Variants in PRKCH observed in about 807,000 individuals in gnomAD.
The protein encoded by PRKCH is protein kinase C eta type.
A neutral mutation model predicts 82.5 loss-of-function variants in PRKCH; 28 were observed. The observed-to-expected ratio is 0.34, with a 90% confidence interval of 0.25 to 0.47. PRKCH has a LOEUF of 0.47. Ranked by LOEUF, PRKCH falls within the 20% of genes least tolerant of loss-of-function variation. The probability of loss-of-function intolerance (pLI) is 1.00; values close to 1 mark genes in which losing one functional copy is unlikely to be tolerated. For synonymous variants in PRKCH, 322 were observed against 327.4 expected (o/e 0.98, Z 0.18); for missense variants, 705 against 881.8 (o/e 0.80, Z 2.54).
chr14:61,254,007 C>A (rs1217894964), intron 1 of PRKCH, among the ~76,000 whole-genome samples: 6 of 139,700 alleles, frequency 4.3e-5, no homozygotes, highest in African/African-American at 1.7e-4. Context: ...CCCTCCCTCC[C>A]TCCCTTCCTT....
chr14:61,210,414 C>T (rs1407423907), intron 1 of PRKCH, among the ~76,000 whole-genome samples: 1 of 152,018 alleles, frequency 6.6e-6, no homozygotes, highest in African/African-American at 2.4e-5. Context: ...CTCTTGGGCA[C>T]CAACTACCCA....
intron 3 of PRKCH, 97 bp from the exon 4 acceptor site, chr14:61,445,595 C>A: frequency 9.2e-7 from 1 of 1,083,950 alleles, no homozygotes; most frequent in Non-Finnish European, 1.4e-6. Flanking sequence ...TTGTGTTTTT[C>A]ATAAAGGAGG....
intron 1 of PRKCH, among the ~76,000 whole-genome samples, chr14:61,203,790 A>T (rs926136506): frequency 2.0e-5 from 3 of 152,054 alleles, no homozygotes; most frequent in Admixed American, 6.6e-5. Context: ...GCAGTAAACC[A>T]TGTTCACACC....
chr14:61,242,117 A>G (rs1184432592), intron 1 of PRKCH, among the ~76,000 whole-genome samples: 2 of 152,236 alleles, frequency 1.3e-5, no homozygotes, highest in African/African-American at 4.8e-5. Flanking sequence ...ATTTCTAAAT[A>G]TTTAAGAAAT....
At position 61,549,824 on chromosome 14, in the gene PRKCH, A is replaced by G. The variant is rs779301835; in HGVS notation, c.2045A>G (p.Gln682Arg). Residue 682 changes from glutamine to arginine, a missense_variant, in exon 14 of 14, where the codon CAA becomes CGA. Gln to Arg is a conservative substitution (Grantham distance 43). Coordinates refer to ENST00000332981, the MANE Select transcript of PRKCH (RefSeq NM_006255.5). The part of the protein sequence containing the change: ...RNFSYVSPEL[Q>R]P ...TTTTCCTATGTGTCTCCAGAATTGC[A>G]ACCATAGCCTTATGGGGAGTGAGAG... 1 of 1,613,930 alleles carries G rather than the reference A, an allele frequency of 6.2e-7. No homozygotes were observed. The highest frequency in any genetic ancestry group is 8.5e-7 in the Non-Finnish European group (1 of 1,179,968).
chr14:61,215,013 A>G (rs137915144), intron 1 of PRKCH, among the ~76,000 whole-genome samples: 58 of 152,288 alleles, frequency 3.8e-4, no homozygotes, highest in African/African-American at 1.2e-3. Context: ...CTCTGTGCCA[A>G]TTAAAGATCG....
chr14:61,217,107 A>AGACT (rs1233747951), intron 1 of PRKCH, among the ~76,000 whole-genome samples: 1 of 152,224 alleles, frequency 6.6e-6, no homozygotes, highest in Non-Finnish European at 1.5e-5. Context: ...AGCGAGAGAC[A>AGACT]GACTGGGCGT....
At chr14:61,512,985 T>A (rs971614414) in intron 10 of PRKCH, among the ~76,000 whole-genome samples, 1 of 152,092 alleles carries the variant, frequency 6.6e-6, no homozygotes, top group Non-Finnish European at 1.5e-5. Flanking sequence ...CCCAGCTAGT[T>A]TTAAAAAAAA....
intron 10 of PRKCH, among the ~76,000 whole-genome samples, chr14:61,508,650 T>C (rs1445962948): frequency 6.6e-6 from 1 of 152,162 alleles, no homozygotes; most frequent in Non-Finnish European, 1.5e-5. Flanking sequence ...TCTGGGTATC[T>C]TTGTGCTCCT....
Position 61,280,652 on chromosome 14 carries a change from C to G in PRKCH, c.-19+92984C>G. The G allele has an allele frequency of 1.3e-6, 2 of 1,570,918 alleles. No individual in the cohort carries two copies. ...AAGGAGTCGTTGAAGAGGCTGTTGG[C>G]GATGGCGCCGCAGGGCGCGATGGGC... On this transcript the variant is annotated intron_variant, in intron 1 of 3. Transcript: ENST00000555185. The surrounding 1 kb of genome is among the most constrained non-coding windows in gnomAD (Gnocchi z 5.0).
chr14:61,235,666 A>G (rs1018817851), intron 1 of PRKCH, among the ~76,000 whole-genome samples: 4 of 152,234 alleles, frequency 2.6e-5, no homozygotes, highest in African/African-American at 9.6e-5. Context: ...TACATAAAGC[A>G]TGTTTAAATA....
upstream of PRKCH, among the ~76,000 whole-genome samples, chr14:61,319,040 C>T (rs2045586409): frequency 6.6e-6 from 1 of 152,188 alleles, no homozygotes; most frequent in South Asian, 2.1e-4. Context: ...CCTGGCTCTG[C>T]TTAACAGCCT....
Position 61,353,351 on chromosome 14 carries a change from A to G in PRKCH, c.363+30887A>G, listed in dbSNP as rs955779826. On this transcript the variant is annotated intron_variant, in intron 1 of 13. Transcript: ENST00000332981. ...ATACTTATGAGATATAAAGATTTACATAAAGTAGCTGGAAACATTTAACCA... is the reference window on the plus strand; with the variant it reads ...ATACTTATGAGATATAAAGATTTACGTAAAGTAGCTGGAAACATTTAACCA... 5.9e-5 allele frequency: 9 copies of G among 152,258 alleles called. No individual in the cohort carries two copies. The East Asian group carries it at 1.3e-3, about 23-fold the overall frequency. The allele number at this position is 152,258 out of a possible 1,614,324, so 9.4% of individuals were successfully genotyped here. A position where few individuals can be genotyped will look rare whatever the true frequency, so the allele number is the denominator to read the frequency against.
At chr14:61,431,374 T>C (rs1328816955) in intron 2 of PRKCH, among the ~76,000 whole-genome samples, 1 of 152,224 alleles carries the variant, frequency 6.6e-6, no homozygotes, top group Non-Finnish European at 1.5e-5. Context: ...TCCTCGGATC[T>C]CTCAAATTGC....
chr14:61,531,976 A>G (rs919291023), intron 12 of PRKCH, among the ~76,000 whole-genome samples: 1 of 152,208 alleles, frequency 6.6e-6, no homozygotes, highest in Non-Finnish European at 1.5e-5. Flanking sequence ...GCTGCAGCCA[A>G]TTTTGATAAC....
chr14:61,304,210 C>T (rs946442817), intron 1 of PRKCH: 2 of 152,008 alleles, frequency 1.3e-5, no homozygotes, highest in Non-Finnish European at 2.9e-5. Flanking sequence ...CACACACACA[C>T]ACACACAAAC....
intron 2 of PRKCH, among the ~76,000 whole-genome samples, chr14:61,421,465 A>T (rs1882829865): frequency 6.6e-6 from 1 of 152,162 alleles, no homozygotes; most frequent in Admixed American, 6.5e-5. Context: ...GAGAGAATTT[A>T]TGAAATCTGA....
intron 12 of PRKCH, chr14:61,543,891 C>T (rs1411855934): frequency 3.9e-5 from 6 of 152,452 alleles, no homozygotes; most frequent in South Asian, 2.1e-4. Context: ...TCTGCACCAA[C>T]GTGAACTGTG....
intron 2 of PRKCH, among the ~76,000 whole-genome samples, chr14:61,403,112 G>GA (rs1433713212): frequency 1.3e-5 from 2 of 151,952 alleles, no homozygotes; most frequent in Non-Finnish European, 2.9e-5. Flanking sequence ...TCTTTGGGGG[G>GA]ATGTTTGAAA....
Sources: allele counts gnomAD v4.1 joint callset (sites outside exome capture counted in the v4.1 genomes callset), GRCh38; gene constraint gnomAD v4.1.1; non-coding constraint Gnocchi (gnomAD v3.1); transcripts MANE v1.5; gene names NCBI Gene and HGNC (gene_info 2026-07-23, HGNC 2026-07-21).